The following CAPN1 variants were observed in gnomAD, a reference collection of about 807,000 sequenced individuals.
The protein encoded by CAPN1 is calpain 1.
A neutral mutation model predicts 105.2 loss-of-function variants in CAPN1; 77 were observed. The ratio of observed to expected loss-of-function variants is 0.73; its 90% CI spans 0.61 to 0.88. The LOEUF (loss-of-function observed/expected upper bound fraction) is 0.88. Among genes scored for constraint, CAPN1 ranks in the 40% least tolerant of loss-of-function variants. The probability of loss-of-function intolerance (pLI) is 0.00; values close to 1 mark genes in which losing one functional copy is unlikely to be tolerated. For synonymous variants in CAPN1, 355 were observed against 388.8 expected (o/e 0.91, Z 1.02); for missense variants, 833 against 976.6 (o/e 0.85, Z 1.96).
Position 65,182,751 on chromosome 11 carries a change from A to G in CAPN1, c.50A>G (p.Gln17Arg). The change falls in exon 2 of 22, where the codon CAA becomes CGA. Residue 17 changes from glutamine to arginine, a missense_variant. By Grantham distance (43) the Gln-to-Arg change is conservative (BLOSUM62 1). Coordinates refer to ENST00000279247, the MANE Select transcript of CAPN1 (RefSeq NM_005186.4). ...TPVYCTGVSA[Q>R]VQKQRARELG... ...GTGTACTGCACTGGGGTGTCAGCCC[A>G]AGTGCAGAAGCAGCGGGCCAGGGAG... 6.3e-7 allele frequency: 1 copy of G among 1,582,664 alleles called. No homozygotes were observed. The highest frequency in any genetic ancestry group is 8.6e-7 in the Non-Finnish European group (1 of 1,164,834).
In CAPN1 at chr11:65,209,375, G is replaced by A. The variant is rs1175743520; in HGVS notation, c.1782G>A (p.Val594=). ...GCCTAGAGTCGTGCCGCAGCATGGTGAACCTCATGGATGTATCCTTCCGTT... is the reference window on the plus strand; with the variant it reads ...GCCTAGAGTCGTGCCGCAGCATGGTAAACCTCATGGATGTATCCTTCCGTT... ...GFSLESCRSM[V]NLMDRDGNGK... is the part of the protein sequence containing the mutation. Residue 594 remains valine, a synonymous_variant, in exon 17 of 22, where the codon GTG becomes GTA. Transcript: ENST00000279247. The surrounding 1 kb of genome is among the most constrained non-coding windows in gnomAD (Gnocchi z 4.1). 1.1e-5 allele frequency: 17 copies of A among 1,613,514 alleles called. No homozygotes were observed. Among genetic ancestry groups the A allele is most frequent in the African/African-American group, 1.3e-5 (1 of 74,936 alleles).
chr11:65,195,100 G>GGTTTTTT (rs1565403828), intron 10 of CAPN1, among the ~76,000 whole-genome samples: 9 of 90,908 alleles, frequency 9.9e-5, no homozygotes, highest in East Asian at 3.2e-4. Flanking sequence ...GTTTTTTGGG[G>GGTTTTTT]TTTTTTTTTT....
In CAPN1 at chr11:65,211,428, C is replaced by T. The variant is rs1158037465; in HGVS notation, c.*142C>T. On this transcript the variant is annotated 3_prime_UTR_variant, in exon 22 of 22. Transcript: ENST00000279247. The stretch of plus-strand genomic sequence containing the variant: ...GCAGCCTCGTCCTCCTGTCCCCTCT[C>T]CTCCCAGCCACCATCGTTCATCTGC... 8.0e-6 allele frequency: 6 copies of T among 750,042 alleles called. No homozygotes were observed. In the Admixed American group the frequency reaches 1.2e-4, roughly 15 times the overall value. The allele number at this position is 750,042 out of a possible 1,614,324, so 46.5% of individuals were successfully genotyped here.
In CAPN1 at chr11:65,204,728, C is replaced by T. The variant is rs769161725; in HGVS notation, c.1211C>T (p.Thr404Met). ...CAGTTCAAGATCCGGCTGGATGAGACGGATGACCCGGACGACTACGGGGAC... is the reference window on the plus strand; with the variant it reads ...CAGTTCAAGATCCGGCTGGATGAGATGGATGACCCGGACGACTACGGGGAC... ...NPQFKIRLDE[T>M]DDPDDYGDRE... Residue 404 changes from threonine (T) to methionine (M), a missense_variant, in exon 11 of 22, where the codon ACG (threonine) becomes ATG (methionine). By Grantham distance (81) the Thr-to-Met change is moderately conservative. Transcript: ENST00000279247. The T allele has an allele frequency of 3.7e-6, 6 of 1,613,040 alleles. No individual in the cohort carries two copies. The highest frequency in any genetic ancestry group is 1.6e-4 in the Middle Eastern group (1 of 6,082).
At position 65,210,475 on chromosome 11, in the gene CAPN1, C is replaced by T. The variant is rs374607326; in HGVS notation, c.2059+23C>T. On this transcript the variant is annotated intron_variant, in intron 20 of 21. Coordinates refer to ENST00000279247, the MANE Select transcript of CAPN1 (RefSeq NM_005186.4). The surrounding 1 kb of genome is among the most constrained non-coding windows in gnomAD (Gnocchi z 4.3). ...TCCGTGAGTGTCCCCAACTGCCTCC[C>T]ACCCTCCAGCTCCGTCCCAAACGCG... 1.4e-6 allele frequency: 2 copies of T among 1,409,458 alleles called. No homozygotes were observed. The highest frequency in any genetic ancestry group is 2.0e-6 in the Non-Finnish European group (2 of 999,690). The allele number at this position is 1,409,458 out of a possible 1,614,324, so 87.3% of individuals were successfully genotyped here.
chr11:65,187,583 G>A lies in CAPN1; in HGVS notation c.843+285G>A, dbSNP rs373829054. On this transcript the variant is annotated intron_variant, in intron 7 of 21. Transcript: ENST00000279247. ...TGGAGAGGATGAGGGTATGGGAGGC[G>A]GAGTGTTAAAGTGCGTGCATGGGCC... 81 of 521,156 alleles carry A rather than the reference G, an allele frequency of 1.6e-4. 1 individual carries two copies. Among genetic ancestry groups the A allele is most frequent in the Non-Finnish European group, 2.1e-4 (59 of 286,982 alleles). The allele number at this position is 521,156 out of a possible 1,614,324, so 32.3% of individuals were successfully genotyped here.
Position 65,208,365 on chromosome 11 carries a change from G to A in CAPN1, c.1729+103G>A. The A allele has an allele frequency of 8.8e-7, 1 of 1,142,722 alleles. No individual in the cohort carries two copies. The highest frequency in any genetic ancestry group is 1.3e-6 in the Non-Finnish European group (1 of 778,486). The allele number at this position is 1,142,722 out of a possible 1,614,324, so 70.8% of individuals were successfully genotyped here. On this transcript the variant is annotated intron_variant, in intron 16 of 21. Coordinates refer to ENST00000279247, the MANE Select transcript of CAPN1 (RefSeq NM_005186.4). The surrounding 1 kb of genome is among the most constrained non-coding windows in gnomAD (Gnocchi z 4.1). ...CTGAACCTCATCCCTTGGTCTGCAT[G>A]AGTCGGGGAATCCTCCAGTTTTTCT...
chr11:65,182,597 T>G, intron 1 of CAPN1, 104 bp from the exon 2 acceptor site: 3 of 1,271,922 alleles, frequency 2.4e-6, no homozygotes, highest in Non-Finnish European at 3.1e-6. Flanking sequence ...AACCCTAGGT[T>G]TGGGGATGGA....
In CAPN1 at chr11:65,204,741, C is replaced by A. The variant is rs564169441; in HGVS notation, c.1224C>A (p.Asp408Glu). Residue 408 changes from aspartate to glutamate, a missense_variant, in exon 11 of 22, where the codon GAC becomes GAA. By Grantham distance (45) the Asp-to-Glu change is conservative. Coordinates refer to ENST00000279247, the MANE Select transcript of CAPN1 (RefSeq NM_005186.4). ...GGCTGGATGAGACGGATGACCCGGACGACTACGGGGACCGCGAGTCAGGCT... is the reference window on the plus strand; with the variant it reads ...GGCTGGATGAGACGGATGACCCGGAAGACTACGGGGACCGCGAGTCAGGCT... The part of the protein sequence containing the change: ...KIRLDETDDP[D>E]DYGDRESGCS... The A allele has an allele frequency of 3.7e-6, 6 of 1,613,134 alleles. No individual in the cohort carries two copies. In the East Asian group the frequency reaches 1.3e-4, roughly 36 times the overall value.
chr11:65,194,770 A>ATGTG lies in CAPN1; in HGVS notation c.1165+6025_1165+6026insGTGT, dbSNP rs1565403503. On this transcript the variant is annotated intron_variant, in intron 10 of 21. Coordinates refer to ENST00000279247, the MANE Select transcript of CAPN1 (RefSeq NM_005186.4). ...TATACCACATTTTGCTGATTCATTCATCAGTTGATGGACATTTGTGTTATT... is the reference window on the plus strand; with the variant it reads ...TATACCACATTTTGCTGATTCATTCATGTGTCAGTTGATGGACATTTGTGTTATT... Among the ~76,000 whole-genome samples the ATGTG allele has an allele frequency of 4.9e-3, 742 of 152,282 alleles. 8 individuals carry two copies. The highest frequency in any genetic ancestry group is 0.017 in the African/African-American group (716 of 41,544).
chr11:65,207,913 CA>C, intron 14 of CAPN1, 141 bp from the exon 15 acceptor site: 1 of 501,988 alleles, frequency 2.0e-6, no homozygotes, highest in South Asian at 2.1e-5. Context: ...AACTCCATCT[CA>C]AAAAGAAAAG....
chr11:65,207,285 C>T (rs557976144), intron 14 of CAPN1, among the ~76,000 whole-genome samples: 16 of 151,014 alleles, frequency 1.1e-4, no homozygotes, highest in African/African-American at 3.2e-4. Flanking sequence ...CTGCAACCTC[C>T]GTCTCCTGGG....
At chr11:65,182,555 C>T (rs1770357675) in intron 1 of CAPN1, 146 bp from the exon 2 acceptor site, 2 of 846,654 alleles carry the variant, frequency 2.4e-6, no homozygotes, top group Non-Finnish European at 3.5e-6. Context: ...GCTGAGAACC[C>T]TACTTCTGTG....
intron 10 of CAPN1, among the ~76,000 whole-genome samples, chr11:65,189,545 C>G (rs4492832): frequency 0.73 from 110,565 of 152,062 alleles, 41,232 homozygotes; most frequent in Middle Eastern, 0.86. Context: ...TTCAACCCTT[C>G]GACCAAGCCA....
chr11:65,190,499 T>C lies in CAPN1; in HGVS notation c.1165+1753T>C, dbSNP rs146081873. Among the ~76,000 whole-genome samples, 25 of 152,276 alleles carry C rather than the reference T, an allele frequency of 1.6e-4. No individual in the cohort carries two copies. The East Asian group carries it at 4.8e-3, about 29-fold the overall frequency. ...CCTGTACCATTTATTGAGAAATACATCATCTCGTCTCTCCCCAGCAGCACT... is the reference window on the plus strand; with the variant it reads ...CCTGTACCATTTATTGAGAAATACACCATCTCGTCTCTCCCCAGCAGCACT... On this transcript the variant is annotated intron_variant, in intron 10 of 21. Coordinates refer to ENST00000279247, the MANE Select transcript of CAPN1 (RefSeq NM_005186.4).
chr11:65,199,492 T>C (rs999281363), intron 10 of CAPN1, among the ~76,000 whole-genome samples: 1 of 152,226 alleles, frequency 6.6e-6, no homozygotes, highest in Non-Finnish European at 1.5e-5. Context: ...TCTAGAAAAT[T>C]TGTAGTCATG....
intron 11 of CAPN1, among the ~76,000 whole-genome samples, chr11:65,205,095 T>C (rs1298199777): frequency 6.6e-6 from 1 of 152,214 alleles, no homozygotes; most frequent in Non-Finnish European, 1.5e-5. Flanking sequence ...AGGGAGATTC[T>C]GGGATTCACC....
At position 65,188,527 on chromosome 11, in the gene CAPN1, C is replaced by G; in HGVS notation, c.1004+39C>G. On this transcript the variant is annotated intron_variant, in intron 9 of 21. Transcript: ENST00000279247. The surrounding 1 kb of genome is among the most constrained non-coding windows in gnomAD (Gnocchi z 5.5). ...CCCCTTCTACCCCACCTCTCCACCC[C>G]TACACATCAGCTCTGTGCCCTGACG... 6.2e-7 allele frequency: 1 copy of G among 1,613,048 alleles called. No homozygotes were observed. The highest frequency in any genetic ancestry group is 8.5e-7 in the Non-Finnish European group (1 of 1,179,212).
intron 1 of CAPN1, 104 bp downstream of exon 1, chr11:65,182,117 T>A (rs1396522965): frequency 1.1e-5 from 1 of 89,480 alleles, no homozygotes; most frequent in Admixed American, 1.4e-4. Flanking sequence ...TCTGCGTTCC[T>A]GGAGCAGGGG....
Sources: allele counts gnomAD v4.1 joint callset (sites outside exome capture counted in the v4.1 genomes callset), GRCh38; gene constraint gnomAD v4.1.1; non-coding constraint Gnocchi (gnomAD v3.1); transcripts MANE v1.5; gene names NCBI Gene and HGNC (gene_info 2026-07-23, HGNC 2026-07-21).